Variants in CCNJ observed in about 807,000 individuals in gnomAD.
CCNJ encodes the protein cyclin-J.
In CCNJ, 12 loss-of-function variants were observed where a neutral mutation model predicts 41.4. The ratio of observed to expected loss-of-function variants is 0.29; its 90% CI spans 0.19 to 0.47. The LOEUF (loss-of-function observed/expected upper bound fraction) is 0.47. Among genes scored for constraint, CCNJ ranks in the 20% least tolerant of loss-of-function variants. CCNJ has a pLI of 1.00. For missense variants in CCNJ, 340 were observed against 464.6 expected, an observed-to-expected ratio of 0.73 and a Z score of 2.47; for synonymous variants, 161 against 173.4, an observed-to-expected ratio of 0.93 and a Z score of 0.56.
chr10:96,053,297 T>C (rs1211584730), intron 3 of CCNJ, among the ~76,000 whole-genome samples: 1 of 151,796 alleles, frequency 6.6e-6, no homozygotes, highest in Non-Finnish European at 1.5e-5. Flanking sequence ...CCCCTGAATC[T>C]CAGGTTATTT....
chr10:96,049,854 C>T (rs1397637532), intron 2 of CCNJ, among the ~76,000 whole-genome samples: 1 of 152,134 alleles, frequency 6.6e-6, no homozygotes, highest in Admixed American at 6.5e-5. Flanking sequence ...ATCCACTTAT[C>T]TATTACCTTC....
intron 1 of CCNJ, among the ~76,000 whole-genome samples, chr10:96,044,111 A>G (rs1163464927): frequency 6.6e-6 from 1 of 152,176 alleles, no homozygotes; most frequent in Non-Finnish European, 1.5e-5. Flanking sequence ...GCCCGAGTGG[A>G]TCCCCTTTTG....
intron 3 of CCNJ, among the ~76,000 whole-genome samples, chr10:96,055,969 CTA>C (rs1449771764): frequency 6.6e-6 from 1 of 152,202 alleles, no homozygotes; most frequent in African/African-American, 2.4e-5. Context: ...TGGAGCTTAA[CTA>C]TTTTTTATTT....
chr10:96,057,615 A>G (rs769800180), intron 5 of CCNJ, among the ~76,000 whole-genome samples: 1 of 152,178 alleles, frequency 6.6e-6, no homozygotes, highest in Non-Finnish European at 1.5e-5. Flanking sequence ...CCAAACTGGA[A>G]ATAATCCTCA....
At chr10:96,045,800 G>T (rs2080346060) in intron 2 of CCNJ, among the ~76,000 whole-genome samples, 1 of 151,812 alleles carries the variant, frequency 6.6e-6, no homozygotes, top group South Asian at 2.1e-4. Context: ...TATCCCTCTG[G>T]TATGTAGTGA....
At chr10:96,056,320 A>AT in intron 3 of CCNJ, among the ~76,000 whole-genome samples, 1 of 152,144 alleles carries the variant, frequency 6.6e-6, no homozygotes, top group African/African-American at 2.4e-5. Context: ...AAAAAAAAAA[A>AT]AACTATCTTC....
At chr10:96,051,596 C>G (rs891488893) in intron 3 of CCNJ, among the ~76,000 whole-genome samples, 1 of 152,100 alleles carries the variant, frequency 6.6e-6, no homozygotes, top group Non-Finnish European at 1.5e-5. Flanking sequence ...CTAACTCTCC[C>G]TTGAGGTTTT....
chr10:96,053,412 T>C (rs2080587703), intron 3 of CCNJ, among the ~76,000 whole-genome samples: 1 of 152,230 alleles, frequency 6.6e-6, no homozygotes, highest in Non-Finnish European at 1.5e-5. Context: ...AAGATTAGCA[T>C]GGTAATTATT....
chr10:96,057,906 T>C lies in CCNJ; in HGVS notation c.817T>C (p.Phe273Leu), dbSNP rs752323998. Residue 273 changes from phenylalanine to leucine, a missense_variant, in exon 6 of 6, where the codon TTC (phenylalanine) becomes CTC (leucine). Physicochemically the swap from Phe to Leu is conservative, Grantham distance 22. Coordinates refer to ENST00000465148, the MANE Select transcript of CCNJ (RefSeq NM_001134375.2). ...AGPQSAQLSV[F>L]QTASQPSRPV... is the part of the protein sequence containing the mutation. ...ACCTCAGTCAGCGCAACTAAGTGTA[T>C]TCCAGACAGCCTCCCAGCCATCACG... The C allele has an allele frequency of 8.1e-6, 13 of 1,614,194 alleles. No homozygotes were observed. Among genetic ancestry groups the C allele is most frequent in the Non-Finnish European group, 1.0e-5 (12 of 1,180,042 alleles).
At chr10:96,055,125 T>G (rs1360955104) in intron 3 of CCNJ, among the ~76,000 whole-genome samples, 1 of 152,352 alleles carries the variant, frequency 6.6e-6, no homozygotes, top group Admixed American at 6.5e-5. Context: ...TTGGCAAAAC[T>G]TGTTAAATTG....
At position 96,058,269 on chromosome 10, in the gene CCNJ, G is replaced by T; in HGVS notation, c.*28G>T. On this transcript the variant is annotated 3_prime_UTR_variant, in exon 6 of 6. Coordinates refer to ENST00000465148, the MANE Select transcript of CCNJ (RefSeq NM_001134375.2). ...ATTTGTGAAGCTGATAACCGACCCAGACTGCTTTGTGACATGAAGCTATGG... is the reference window on the plus strand; with the variant it reads ...ATTTGTGAAGCTGATAACCGACCCATACTGCTTTGTGACATGAAGCTATGG... 1 of 1,587,732 alleles carries T rather than the reference G, an allele frequency of 6.3e-7. No homozygotes were observed. The highest frequency in any genetic ancestry group is 8.6e-7 in the Non-Finnish European group (1 of 1,164,296).
intron 2 of CCNJ, among the ~76,000 whole-genome samples, chr10:96,048,894 C>G (rs2080440691): frequency 6.6e-6 from 1 of 152,200 alleles, no homozygotes; most frequent in Non-Finnish European, 1.5e-5. Flanking sequence ...GTGTACAAAT[C>G]TCTCTTCAAG....
At chr10:96,055,130 A>C (rs889990239) in intron 3 of CCNJ, among the ~76,000 whole-genome samples, 2 of 152,218 alleles carry the variant, frequency 1.3e-5, no homozygotes, top group Non-Finnish European at 2.9e-5. Context: ...AAAACTTGTT[A>C]AATTGATCTT....
chr10:96,045,363 C>T (rs1156826469), intron 2 of CCNJ, among the ~76,000 whole-genome samples: 3 of 152,188 alleles, frequency 2.0e-5, no homozygotes, highest in Non-Finnish European at 2.9e-5. Context: ...AGCAAAACAG[C>T]TGACTTTCAA....
upstream of CCNJ, chr10:96,043,439 G>C: frequency 2.6e-6 from 1 of 378,390 alleles, no homozygotes. Flanking sequence ...CCGCGCCGCC[G>C]CCTGGCGCTG....
At position 96,059,311 on chromosome 10, in the gene CCNJ, G is replaced by C. The variant is rs1473061865; in HGVS notation, c.*1070G>C. 2 of 152,640 alleles carry C rather than the reference G, an allele frequency of 1.3e-5. No homozygotes were observed. The highest frequency in any genetic ancestry group is 4.8e-5 in the African/African-American group (2 of 41,450). 9.5% of individuals were successfully genotyped at this position (152,640 alleles called of 1,614,324 possible). A position where few individuals can be genotyped will look rare whatever the true frequency, so the allele number is the denominator to read the frequency against. On this transcript the variant is annotated 3_prime_UTR_variant, in exon 6 of 6. Coordinates refer to ENST00000465148, the MANE Select transcript of CCNJ (RefSeq NM_001134375.2). Reference sequence around the variant, plus strand: ...TCAGGTTGTGCTAGAGCAGCACTTTGTTATGTGGAAGACAGGTTTTTTAAG... The same window carrying C: ...TCAGGTTGTGCTAGAGCAGCACTTTCTTATGTGGAAGACAGGTTTTTTAAG...
chr10:96,055,402 T>C (rs2080653997), intron 3 of CCNJ, among the ~76,000 whole-genome samples: 1 of 152,220 alleles, frequency 6.6e-6, no homozygotes, highest in Admixed American at 6.5e-5. Flanking sequence ...ATTTCCTTTC[T>C]TCTGTGGACC....
chr10:96,054,292 G>T (rs926831615), intron 3 of CCNJ, among the ~76,000 whole-genome samples: 5 of 152,260 alleles, frequency 3.3e-5, no homozygotes, highest in African/African-American at 7.2e-5. Context: ...TGGTAATGTG[G>T]ATAAGTAAAC....
At chr10:96,043,180 G>A (rs1258446646), upstream of CCNJ, among the ~76,000 whole-genome samples, 2 of 152,232 alleles carry the variant, frequency 1.3e-5, no homozygotes, top group East Asian at 1.9e-4. Context: ...ACGCCAAACT[G>A]AGGCGTCGGA....
Sources: allele counts gnomAD v4.1 joint callset (sites outside exome capture counted in the v4.1 genomes callset), GRCh38; gene constraint gnomAD v4.1.1; transcripts MANE v1.5; gene names NCBI Gene and HGNC (gene_info 2026-07-23, HGNC 2026-07-21).